GABRB1: variants seen among roughly 807,000 people sequenced by gnomAD.
GABRB1 encodes the protein gamma-aminobutyric acid receptor subunit beta-1.
Under a neutral mutation model 51.6 loss-of-function variants are expected in GABRB1, and 17 were observed. That is an observed-to-expected ratio of 0.33 (90% confidence interval 0.23 to 0.49). The LOEUF is 0.49. GABRB1 is among the 20% of genes least tolerant of loss of function. The pLI, the probability that GABRB1 is intolerant of heterozygous loss-of-function variation, is 0.99. For missense variants in GABRB1, 410 were observed against 600.6 expected (o/e 0.68, Z 3.32); for synonymous variants, 247 against 218.9 (o/e 1.13, Z -1.14).
At chr4:47,144,276 T>A (rs1717059622) in intron 3 of GABRB1, among the ~76,000 whole-genome samples, 1 of 152,004 alleles carries the variant, frequency 6.6e-6, no homozygotes, top group East Asian at 1.9e-4. Flanking sequence ...CCACAAAGTG[T>A]CTTAAAACAA....
chr4:47,336,437 GTAGGTGCCACC>G (rs1725699117), intron 5 of GABRB1, among the ~76,000 whole-genome samples: 2 of 152,166 alleles, frequency 1.3e-5, no homozygotes, highest in Admixed American at 1.3e-4. Context: ...AACTCTATCA[GTAGGTGCCACC>G]GTTCCCATTT....
chr4:47,272,973 ACTGT>A (rs1722930938), intron 4 of GABRB1, among the ~76,000 whole-genome samples: 1 of 3,124 alleles, frequency 3.2e-4, no homozygotes, highest in Non-Finnish European at 5.4e-4. Flanking sequence ...GTGAACCGTT[ACTGT>A]AATGATGAGT....
intron 3 of GABRB1, among the ~76,000 whole-genome samples, chr4:47,057,875 G>T (rs1165189890): frequency 6.6e-6 from 1 of 152,180 alleles, no homozygotes; most frequent in African/African-American, 2.4e-5. Flanking sequence ...ACCTCACAAA[G>T]ATATTATACA....
intron 4 of GABRB1, among the ~76,000 whole-genome samples, chr4:47,294,338 G>T (rs922368655): frequency 2.0e-5 from 3 of 152,228 alleles, no homozygotes; most frequent in African/African-American, 7.2e-5. Context: ...GGGTCAGGGA[G>T]TTCCCTTTCC....
intron 5 of GABRB1, among the ~76,000 whole-genome samples, chr4:47,378,280 C>T (rs1727461382): frequency 6.6e-6 from 1 of 152,224 alleles, no homozygotes; most frequent in Non-Finnish European, 1.5e-5. Flanking sequence ...ACACCCTCCG[C>T]AGCCGCTGGC....
At chr4:47,251,423 C>T (rs562347717) in intron 4 of GABRB1, among the ~76,000 whole-genome samples, 3 of 152,268 alleles carry the variant, frequency 2.0e-5, no homozygotes, top group East Asian at 1.9e-4. Context: ...GCTGGTTGGC[C>T]TCCTGCCAGG....
chr4:47,249,002 T>A (rs1179706332), intron 4 of GABRB1, among the ~76,000 whole-genome samples: 1 of 152,116 alleles, frequency 6.6e-6, no homozygotes, highest in Non-Finnish European at 1.5e-5. Flanking sequence ...TTTGTTTCAA[T>A]TTCATTTAAT....
chr4:47,253,924 A>T (rs1473507145), intron 4 of GABRB1, among the ~76,000 whole-genome samples: 9 of 152,244 alleles, frequency 5.9e-5, no homozygotes, highest in African/African-American at 2.2e-4. Flanking sequence ...GCTGGTACTT[A>T]TCATTAACGT....
intron 1 of GABRB1, among the ~76,000 whole-genome samples, chr4:47,023,215 T>C (rs1000357442): frequency 6.6e-6 from 1 of 152,000 alleles, no homozygotes; most frequent in African/African-American, 2.4e-5. Context: ...CTGGGATTCG[T>C]TAACGGATAC....
At chr4:47,400,824 TTTGA>T (rs1728352264) in intron 5 of GABRB1, among the ~76,000 whole-genome samples, 1 of 152,102 alleles carries the variant, frequency 6.6e-6, no homozygotes, top group African/African-American at 2.4e-5. Flanking sequence ...ACATGCAATA[TTTGA>T]TTTTCTGTTC....
At chr4:47,197,166 G>A (rs537700060) in intron 4 of GABRB1, among the ~76,000 whole-genome samples, 108 of 152,226 alleles carry the variant, frequency 7.1e-4, no homozygotes, top group Middle Eastern at 3.4e-3. Context: ...GAGTTCCCTC[G>A]GGCATCTAGC....
intron 4 of GABRB1, among the ~76,000 whole-genome samples, chr4:47,170,020 T>C (rs1056304340): frequency 5.3e-5 from 8 of 152,166 alleles, no homozygotes; most frequent in African/African-American, 1.9e-4. Context: ...AAAAAATGTA[T>C]ACAATTTTTT....
At chr4:47,036,121 C>T (rs1725546018) in intron 3 of GABRB1, among the ~76,000 whole-genome samples, 1 of 152,118 alleles carries the variant, frequency 6.6e-6, no homozygotes, top group Admixed American at 6.5e-5. Flanking sequence ...ATGAGTATAA[C>T]AGTGAATGTT....
chr4:47,115,335 T>C (rs1715415632), intron 3 of GABRB1, among the ~76,000 whole-genome samples: 1 of 152,132 alleles, frequency 6.6e-6, no homozygotes, highest in Non-Finnish European at 1.5e-5. Flanking sequence ...ATTTGGTTAC[T>C]AACTTTGATA....
intron 5 of GABRB1, among the ~76,000 whole-genome samples, chr4:47,395,019 C>T (rs1020883417): frequency 7.9e-5 from 12 of 152,116 alleles, no homozygotes; most frequent in African/African-American, 2.9e-4. Flanking sequence ...CCTAAGGCTA[C>T]CCCCTGCAAT....
chr4:47,080,125 A>G (rs1339243386), intron 3 of GABRB1, among the ~76,000 whole-genome samples: 2 of 152,076 alleles, frequency 1.3e-5, no homozygotes, highest in Non-Finnish European at 2.9e-5. Context: ...TATTGATGTA[A>G]ATATCTCTAA....
In GABRB1 at chr4:47,154,723, C is replaced by T. The variant is rs114228020; in HGVS notation, c.241-6526C>T. 3.7e-3 allele frequency among the ~76,000 whole-genome samples: 567 copies of T among 152,180 alleles called. 3 individuals are homozygous for T. The highest frequency in any genetic ancestry group is 0.02 in the Middle Eastern group (6 of 294). ...AGAGAGATCACAAGGAGCTAAAGCA[C>T]TGAACGTGTTCAGACCTCAGGAGAA... is the stretch of plus-strand genomic sequence containing the variant. On this transcript the variant is annotated intron_variant, in intron 3 of 8. Coordinates refer to ENST00000295454, the MANE Select transcript of GABRB1 (RefSeq NM_000812.4).
chr4:47,152,748 C>T (rs1415871093), intron 3 of GABRB1, among the ~76,000 whole-genome samples: 1 of 152,008 alleles, frequency 6.6e-6, no homozygotes, highest in Non-Finnish European at 1.5e-5. Context: ...CGTAGTCTAC[C>T]TACCTACTCA....
intron 3 of GABRB1, among the ~76,000 whole-genome samples, chr4:47,129,465 G>A (rs1377790248): frequency 1.3e-5 from 2 of 152,000 alleles, no homozygotes; most frequent in African/African-American, 2.4e-5. Context: ...TTCATCATTG[G>A]CAAATATATT....
Sources: allele counts gnomAD v4.1 joint callset (sites outside exome capture counted in the v4.1 genomes callset), GRCh38; gene constraint gnomAD v4.1.1; transcripts MANE v1.5; gene names NCBI Gene and HGNC (gene_info 2026-07-23, HGNC 2026-07-21).